STPG2: variants seen among roughly 807,000 people sequenced by gnomAD.
STPG2 encodes sperm tail PG-rich repeat containing 2, also known as sperm-tail PG-rich repeat-containing protein 2.
STPG2 carries 56 observed loss-of-function variants against 54.2 expected under a neutral mutation model. That is an observed-to-expected ratio of 1.03 (90% CI 0.83 to 1.29). The LOEUF (loss-of-function observed/expected upper bound fraction) is 1.29, where lower values mean the gene tolerates loss of function less well. STPG2 is among the 50% of genes most tolerant of loss of function. STPG2 has a pLI of 0.00. For missense variants in STPG2, 596 were observed against 544.9 expected (o/e 1.09, Z -0.93); for synonymous variants, 200 against 181.8 (o/e 1.10, Z -0.81).
intron 8 of STPG2, among the ~76,000 whole-genome samples, chr4:97,932,173 A>AT (rs1732573150): frequency 6.6e-6 from 1 of 151,878 alleles, no homozygotes; most frequent in Non-Finnish European, 1.5e-5. Flanking sequence ...TATTTTATTA[A>AT]TTTTTTCAAA....
intron 9 of STPG2, among the ~76,000 whole-genome samples, chr4:97,813,715 T>C (rs1226237233): frequency 8.6e-6 from 1 of 116,212 alleles, no homozygotes; most frequent in Non-Finnish European, 1.8e-5. Flanking sequence ...AAAAAAAGCA[T>C]GTTTTATAAA....
At chr4:97,501,969 G>C (rs529553648) in intron 4 of STPG2, among the ~76,000 whole-genome samples, 1 of 151,596 alleles carries the variant, frequency 6.6e-6, no homozygotes, top group African/African-American at 2.4e-5. Flanking sequence ...GAAATAGCAA[G>C]AAACAAGAGA....
Position 97,901,369 on chromosome 4 carries a change from C to G in STPG2, c.1044+42528G>C, listed in dbSNP as rs191408614. ...CAAGAAAAAAAATAATAAAAGGCAT[C>G]CAACTCAGAAAAGAAGAAGCAAAAT... On this transcript the variant is annotated intron_variant, in intron 8 of 10. Coordinates refer to ENST00000295268, the MANE Select transcript of STPG2 (RefSeq NM_174952.3). Among the ~76,000 whole-genome samples, 328 of 151,944 alleles carry G rather than the reference C, an allele frequency of 2.2e-3. 1 individual carries two copies. The highest frequency in any genetic ancestry group is 7.4e-3 in the African/African-American group (309 of 41,496).
chr4:97,837,249 G>T (rs1474699398), intron 9 of STPG2, among the ~76,000 whole-genome samples: 1 of 151,310 alleles, frequency 6.6e-6, no homozygotes, highest in Non-Finnish European at 1.5e-5. Context: ...AGAATTCTAG[G>T]GTCAAATGGC....
chr4:97,871,557 C>T (rs1323095457), intron 8 of STPG2, among the ~76,000 whole-genome samples: 1 of 151,000 alleles, frequency 6.6e-6, no homozygotes, highest in Admixed American at 6.6e-5. Flanking sequence ...ACTTAGATAA[C>T]ATGAATAATT....
chr4:97,490,877 A>G (rs1315033819), intron 4 of STPG2, among the ~76,000 whole-genome samples: 1 of 151,584 alleles, frequency 6.6e-6, no homozygotes, highest in Non-Finnish European at 1.5e-5. Flanking sequence ...AAAAGCACAC[A>G]ATTAAACCTA....
chr4:97,929,212 T>A (rs1029207124), intron 8 of STPG2, among the ~76,000 whole-genome samples: 4 of 152,188 alleles, frequency 2.6e-5, no homozygotes, highest in Non-Finnish European at 5.9e-5. Flanking sequence ...AGGATCTCAT[T>A]TTTTTATGGG....
chr4:98,118,217 G>A (rs1739576412), intron 3 of STPG2, among the ~76,000 whole-genome samples: 1 of 152,022 alleles, frequency 6.6e-6, no homozygotes, highest in Admixed American at 6.6e-5. Context: ...CTTTGCCAAG[G>A]CCCTCTGTAC....
In STPG2 at chr4:98,105,960, T is replaced by G; in HGVS notation, c.605A>C (p.Lys202Thr). 1 of 1,567,162 alleles carries G rather than the reference T, an allele frequency of 6.4e-7. No individual in the cohort carries two copies. The highest frequency in any genetic ancestry group is 8.7e-7 in the Non-Finnish European group (1 of 1,145,462). ...AGCCACTTTTCAACTTACCTTTTTT[T>G]TCTCCTGCAATACTATTATTTCATA... ...RLYEIIVLQE[K>T]KKRFLPMKSI... is the part of the protein sequence containing the mutation. Residue 202 changes from lysine to threonine, a missense_variant, in exon 5 of 11, where the codon AAA becomes ACA. By Grantham distance (78) the Lys-to-Thr change is moderately conservative. Transcript: ENST00000295268.
At chr4:97,761,260 T>G (rs906461682) in intron 9 of STPG2, among the ~76,000 whole-genome samples, 1 of 152,148 alleles carries the variant, frequency 6.6e-6, no homozygotes, top group Non-Finnish European at 1.5e-5. Context: ...TAAGATGAGC[T>G]TACAGTGGGG....
At chr4:97,950,814 A>G (rs1578724288) in intron 7 of STPG2, among the ~76,000 whole-genome samples, 2 of 152,030 alleles carry the variant, frequency 1.3e-5, no homozygotes, top group East Asian at 1.9e-4. Flanking sequence ...CAAAACAAAC[A>G]CCCTTCCTGT....
intron 8 of STPG2, among the ~76,000 whole-genome samples, chr4:97,864,037 C>T (rs1284805396): frequency 6.6e-6 from 1 of 152,098 alleles, no homozygotes; most frequent in Non-Finnish European, 1.5e-5. Flanking sequence ...AAAACTGGCA[C>T]AAGACAGGGA....
chr4:97,497,154 AAATCAAAAC>A (rs1419897962), intron 4 of STPG2, among the ~76,000 whole-genome samples: 3 of 151,790 alleles, frequency 2.0e-5, no homozygotes, highest in Non-Finnish European at 4.4e-5. Context: ...GCATTAAAGA[AAATCAAAAC>A]AGAAAATAAC....
chr4:97,706,199 A>G (rs1255238668), intron 10 of STPG2, among the ~76,000 whole-genome samples: 1 of 152,190 alleles, frequency 6.6e-6, no homozygotes, highest in Admixed American at 6.5e-5. Flanking sequence ...AAAAAAGCAG[A>G]TAACGGAGGA....
chr4:97,515,808 G>T (rs1458753532), intron 4 of STPG2, among the ~76,000 whole-genome samples: 1 of 151,720 alleles, frequency 6.6e-6, no homozygotes, highest in Non-Finnish European at 1.5e-5. Context: ...ATGTGTGTAT[G>T]TGTGTGTGTA....
At chr4:97,747,197 A>G (rs1294509881) in intron 9 of STPG2, among the ~76,000 whole-genome samples, 1 of 151,316 alleles carries the variant, frequency 6.6e-6, no homozygotes, top group Non-Finnish European at 1.5e-5. Context: ...GTATCATGTC[A>G]ACCAACCAAC....
chr4:97,467,415 C>A (rs1303267210), intron 4 of STPG2, among the ~76,000 whole-genome samples: 1 of 151,764 alleles, frequency 6.6e-6, no homozygotes, highest in Non-Finnish European at 1.5e-5. Context: ...CAAGCATCAT[C>A]ATTCAATACT....
intron 8 of STPG2, among the ~76,000 whole-genome samples, chr4:97,926,701 T>G (rs1373039086): frequency 6.6e-6 from 1 of 152,084 alleles, no homozygotes; most frequent in African/African-American, 2.4e-5. Context: ...TTCAAGGAAG[T>G]GTGAAAAACA....
chr4:97,752,521 T>TC (rs1386106896), intron 9 of STPG2, among the ~76,000 whole-genome samples: 1 of 151,772 alleles, frequency 6.6e-6, no homozygotes, highest in Non-Finnish European at 1.5e-5. Flanking sequence ...ATTGAACGTA[T>TC]CATATCACCT....
Sources: allele counts gnomAD v4.1 joint callset (sites outside exome capture counted in the v4.1 genomes callset), GRCh38; gene constraint gnomAD v4.1.1; transcripts MANE v1.5; gene names NCBI Gene and HGNC (gene_info 2026-07-23, HGNC 2026-07-21).